The following CUX1 variants were observed in gnomAD, a reference collection of about 807,000 sequenced individuals.
CUX1 encodes cut like homeobox 1.
A neutral mutation model predicts 158.8 loss-of-function variants in CUX1; 31 were observed. The observed-to-expected ratio is 0.20, with a 90% CI of 0.15 to 0.26. The LOEUF (loss-of-function observed/expected upper bound fraction) is 0.26, where lower values mean the gene tolerates loss of function less well. CUX1 is among the 10% of genes least tolerant of loss of function. The pLI is 1.00. For synonymous variants in CUX1, 879 were observed against 862.1 expected, an observed-to-expected ratio of 1.02 and a Z score of -0.34; for missense variants, 1,589 against 2,014.6, an observed-to-expected ratio of 0.79 and a Z score of 4.04.
rs994833250 is a variant in CUX1, at chr7:102,279,115, C to T, written c.1681-922C>T. 2.6e-5 allele frequency among the ~76,000 whole-genome samples: 4 copies of T among 151,534 alleles called. No homozygotes were observed. In the South Asian group the frequency reaches 8.3e-4, roughly 31 times the overall value. On this transcript the variant is annotated intron_variant, in intron 18 of 22. Transcript: ENST00000292538. ...CAGCGGTTTGGGAGGCTGAGGCGGGCGGATCATTTGAGGTCAGGAGTTCCA... is the reference window on the plus strand; with the variant it reads ...CAGCGGTTTGGGAGGCTGAGGCGGGTGGATCATTTGAGGTCAGGAGTTCCA...
chr7:102,040,305 A>C (rs1175175525), intron 3 of CUX1, among the ~76,000 whole-genome samples: 1 of 152,178 alleles, frequency 6.6e-6, no homozygotes, highest in Non-Finnish European at 1.5e-5. Flanking sequence ...GGAAAGAAGC[A>C]AGGAGAACCA....
chr7:101,976,773 A>G (rs945882205), intron 2 of CUX1, among the ~76,000 whole-genome samples: 1 of 152,130 alleles, frequency 6.6e-6, no homozygotes, highest in Non-Finnish European at 1.5e-5. Context: ...GCCTCTTTGA[A>G]CAATTGTCCT....
chr7:102,162,565 C>T (rs1210114900), intron 9 of CUX1, among the ~76,000 whole-genome samples: 1 of 151,934 alleles, frequency 6.6e-6, no homozygotes, highest in East Asian at 1.9e-4. Flanking sequence ...GCATATGGCA[C>T]CACGCATGGC....
intron 1 of CUX1, among the ~76,000 whole-genome samples, chr7:101,863,443 T>A (rs1395300798): frequency 2.6e-5 from 4 of 151,854 alleles, no homozygotes; most frequent in Admixed American, 1.3e-4. Context: ...CTCTGCCTCT[T>A]GAGTTAAAGC....
intron 8 of CUX1, among the ~76,000 whole-genome samples, chr7:102,148,690 G>GTT (rs1835276677): frequency 6.8e-6 from 1 of 147,836 alleles, no homozygotes; most frequent in East Asian, 1.9e-4. Context: ...TAATGTATGT[G>GTT]TTATATATAT....
intron 6 of CUX1, among the ~76,000 whole-genome samples, chr7:102,107,831 C>G (rs955476747): frequency 6.6e-6 from 1 of 152,204 alleles, no homozygotes; most frequent in East Asian, 1.9e-4. Context: ...TTGTGGCCAC[C>G]TGGAGCCCTG....
intron 1 of CUX1, among the ~76,000 whole-genome samples, chr7:101,912,329 G>A (rs1050557235): frequency 4.6e-5 from 7 of 151,116 alleles, no homozygotes; most frequent in Admixed American, 4.0e-4. Flanking sequence ...TTTGACAAAG[G>A]ACATAACTCG....
intron 23 of CUX1, among the ~76,000 whole-genome samples, chr7:102,245,771 A>G (rs1554536653): frequency 6.6e-6 from 1 of 152,140 alleles, no homozygotes; most frequent in Non-Finnish European, 1.5e-5. Context: ...CAGGAGTTCA[A>G]GACCAGCCTG....
chr7:101,925,461 G>T (rs1447688698), intron 2 of CUX1, among the ~76,000 whole-genome samples: 2 of 152,174 alleles, frequency 1.3e-5, no homozygotes, highest in Non-Finnish European at 2.9e-5. Context: ...GGGGATAGAG[G>T]AATGAGGAAT....
chr7:102,222,094 C>G (rs1797864948), intron 20 of CUX1, among the ~76,000 whole-genome samples: 1 of 151,976 alleles, frequency 6.6e-6, no homozygotes, highest in African/African-American at 2.4e-5. Context: ...CCCCATCTCT[C>G]TACAAAATAT....
At chr7:101,984,124 A>T (rs1813926285) in intron 2 of CUX1, among the ~76,000 whole-genome samples, 2 of 35,164 alleles carry the variant, frequency 5.7e-5, no homozygotes, top group Non-Finnish European at 1.3e-4. Flanking sequence ...ATATATATAT[A>T]TATATACACA....
At position 102,199,981 on chromosome 7, in the gene CUX1, G is replaced by A. The variant is rs537592066; in HGVS notation, c.1961-90G>A. ...CTCCTTGTGTCACCAGCCCCCACCC[G>A]GGGCTATATATCAGAATGACGTCTT... On this transcript the variant is annotated intron_variant, in intron 16 of 23. Coordinates refer to ENST00000292535, the MANE Select transcript of CUX1 (RefSeq NM_181552.4). 4.8e-5 allele frequency: 52 copies of A among 1,087,778 alleles called. No homozygotes were observed. The African/African-American group carries it at 6.0e-4, about 12-fold the overall frequency. 67.4% of individuals were successfully genotyped at this position (1,087,778 alleles called of 1,614,324 possible).
intron 3 of CUX1, among the ~76,000 whole-genome samples, chr7:102,037,922 G>A (rs1821633249): frequency 6.6e-6 from 1 of 151,974 alleles, no homozygotes; most frequent in South Asian, 2.1e-4. Context: ...GGGCATGGTG[G>A]CACATGCCTG....
At chr7:102,112,669 C>T (rs1449861455) in intron 7 of CUX1, among the ~76,000 whole-genome samples, 1 of 151,542 alleles carries the variant, frequency 6.6e-6, no homozygotes, top group African/African-American at 2.4e-5. Context: ...TCTGTGGGCT[C>T]AAGCAATCCT....
intron 2 of CUX1, among the ~76,000 whole-genome samples, chr7:101,981,804 T>C (rs757605396): frequency 3.3e-5 from 5 of 152,034 alleles, no homozygotes; most frequent in African/African-American, 4.8e-5. Flanking sequence ...AGAAACGGGG[T>C]TTCACCATGT....
intron 3 of CUX1, among the ~76,000 whole-genome samples, chr7:102,056,077 G>A (rs746192393): frequency 7.6e-4 from 116 of 152,164 alleles, no homozygotes; most frequent in Non-Finnish European, 1.2e-3. Context: ...GGAAGCTACC[G>A]AATAAAAGTT....
chr7:102,276,534 T>C (rs1294010945), intron 17 of CUX1, among the ~76,000 whole-genome samples: 1 of 152,212 alleles, frequency 6.6e-6, no homozygotes, highest in Non-Finnish European at 1.5e-5. Flanking sequence ...ACTCCTGACC[T>C]CAGGTGATCT....
chr7:102,017,161 T>C (rs534577230), intron 2 of CUX1, among the ~76,000 whole-genome samples: 110 of 151,744 alleles, frequency 7.2e-4, no homozygotes, highest in African/African-American at 2.5e-3. Flanking sequence ...AAAATTAGCC[T>C]GACGTGGTAG....
At chr7:101,860,782 T>TTCCTTCCC (rs1333109906) in intron 1 of CUX1, among the ~76,000 whole-genome samples, 7 of 128,758 alleles carry the variant, frequency 5.4e-5, no homozygotes, top group East Asian at 2.2e-4. Flanking sequence ...CCTTCCTTCC[T>TTCCTTCCC]TCCCTCCTTC....
Sources: allele counts gnomAD v4.1 joint callset (sites outside exome capture counted in the v4.1 genomes callset), GRCh38; gene constraint gnomAD v4.1.1; transcripts MANE v1.5; gene names NCBI Gene and HGNC (gene_info 2026-07-23, HGNC 2026-07-21).